KMT2C: variants seen among roughly 807,000 people sequenced by gnomAD.
The protein encoded by KMT2C is histone-lysine N-methyltransferase 2C.
In KMT2C, 88 loss-of-function variants were observed where a neutral mutation model predicts 507.9. The ratio of observed to expected loss-of-function variants is 0.17; its 90% CI spans 0.15 to 0.21. KMT2C has a LOEUF of 0.21. Ranked by LOEUF, KMT2C falls within the 10% of genes least tolerant of loss-of-function variation. The pLI is 1.00. For synonymous variants in KMT2C, 2,049 were observed against 2,080.8 expected, an observed-to-expected ratio of 0.98 and a Z score of 0.42; for missense variants, 4,954 against 5,957.8, an observed-to-expected ratio of 0.83 and a Z score of 5.55.
At chr7:152,263,620 G>A (rs987322662) in intron 8 of KMT2C, among the ~76,000 whole-genome samples, 2 of 152,122 alleles carry the variant, frequency 1.3e-5, no homozygotes, top group Non-Finnish European at 2.9e-5. Context: ...TGAGTTCCAG[G>A]TATAAAATGG....
At chr7:152,366,702 C>T in intron 1 of KMT2C, 1 of 162,936 alleles carries the variant, frequency 6.1e-6, no homozygotes, top group Non-Finnish European at 1.3e-5. Context: ...TATCTCACAT[C>T]ACTAAAATGT....
At chr7:152,178,608 T>C (rs1347022317) in intron 37 of KMT2C, among the ~76,000 whole-genome samples, 1 of 149,792 alleles carries the variant, frequency 6.7e-6, no homozygotes, top group East Asian at 1.9e-4. Flanking sequence ...ACAGGCAACT[T>C]ACACAGAATA....
intron 9 of KMT2C, among the ~76,000 whole-genome samples, chr7:152,255,463 G>C (rs2095645118): frequency 6.6e-6 from 1 of 151,920 alleles, no homozygotes; most frequent in Non-Finnish European, 1.5e-5. Context: ...ACTGCACCCA[G>C]ACACTCAATA....
rs1368341090 is a variant in KMT2C at position 152,263,108 on chromosome 7, T to C, written c.1207A>G (p.Met403Val). 6.2e-7 allele frequency: 1 copy of C among 1,611,372 alleles called. No individual in the cohort carries two copies. The highest frequency in any genetic ancestry group is 1.7e-5 in the Admixed American group (1 of 59,872). The change falls in exon 9 of 59, where the codon ATG (methionine) becomes GTG (valine). Residue 403 changes from methionine (M) to valine (V), a missense_variant. Physicochemically the swap from Met to Val is conservative, Grantham distance 21 (BLOSUM62 1). Coordinates refer to ENST00000262189, the MANE Select transcript of KMT2C (RefSeq NM_170606.3). ...NCKQSGEDSK[M>V]LVCDTCDKGY... ...TTGTCACACGTATCACACACTAGCATCTTGCTATCTTCTCCCGATTGTCTA... is the reference window on the plus strand; with the variant it reads ...TTGTCACACGTATCACACACTAGCACCTTGCTATCTTCTCCCGATTGTCTA...
At position 152,158,984 on chromosome 7, in the gene KMT2C, C is replaced by A. The variant is rs781280663; in HGVS notation, c.11549G>T (p.Arg3850Leu). Residue 3850 changes from arginine to leucine, a missense_variant, in exon 44 of 59, where the codon CGA becomes CTA. Physicochemically the swap from Arg to Leu is moderately radical, Grantham distance 102. Around this residue, in one of 29 missense-constraint regions of KMT2C, gnomAD observed 801 missense variants for 751.2 expected, o/e 1.07. Coordinates refer to ENST00000262189, the MANE Select transcript of KMT2C (RefSeq NM_170606.3). ...TDGGSETKKQ[R>L]SKRTQRTGEK... ...ACCCGTCCTCTGAGTCCGTTTGCTT[C>A]GCTGTTTCTTGGTTTCACTTCCTCC... The A allele has an allele frequency of 6.2e-7, 1 of 1,614,194 alleles. No individual in the cohort carries two copies.
At chr7:152,159,282 C>A (rs761681002) in intron 43 of KMT2C, among the ~76,000 whole-genome samples, 1 of 152,162 alleles carries the variant, frequency 6.6e-6, no homozygotes, top group East Asian at 1.9e-4. Flanking sequence ...CAGTAAGCTG[C>A]GAAGCTTGAG....
rs535328673 is a variant in KMT2C, at chr7:152,408,557, G to T, written c.161+27069C>A. ...ATTAACCTGAGCTCGGCCTCCTCTA[G>T]ATCAGCAGCGGCATTAGATTCTCAT... is the stretch of plus-strand genomic sequence containing the variant. On this transcript the variant is annotated intron_variant, in intron 1 of 58. Transcript: ENST00000262189. Among the ~76,000 whole-genome samples, 6 of 152,322 alleles carry T rather than the reference G, an allele frequency of 3.9e-5. No homozygotes were observed. In the East Asian group the frequency reaches 1.2e-3, roughly 29 times the overall value.
At chr7:152,274,557 A>G (rs976443150) in intron 6 of KMT2C, among the ~76,000 whole-genome samples, 3 of 152,238 alleles carry the variant, frequency 2.0e-5, no homozygotes, top group Admixed American at 1.3e-4. Flanking sequence ...AAGTGAACAC[A>G]TAAGAAGTCA....
intron 3 of KMT2C, among the ~76,000 whole-genome samples, chr7:152,317,768 G>A (rs544966092): frequency 6.6e-6 from 1 of 152,304 alleles, no homozygotes; most frequent in South Asian, 2.1e-4. Flanking sequence ...TGCTTTGGGA[G>A]GTCAAGGCAG....
chr7:152,224,379 G>C, intron 19 of KMT2C, 56 bp downstream of exon 19: 1 of 1,541,710 alleles, frequency 6.5e-7, no homozygotes, highest in South Asian at 1.1e-5. Flanking sequence ...AAACCAAAGT[G>C]GTATGAGAAA....
At chr7:152,326,484 C>T (rs1300524672) in intron 3 of KMT2C, among the ~76,000 whole-genome samples, 3 of 152,002 alleles carry the variant, frequency 2.0e-5, no homozygotes, top group Non-Finnish European at 2.9e-5. Flanking sequence ...TATAAAAATA[C>T]ATGTGATTTT....
At chr7:152,197,778 CA>C (rs2094008860) in intron 27 of KMT2C, among the ~76,000 whole-genome samples, 1 of 151,904 alleles carries the variant, frequency 6.6e-6, no homozygotes, top group Non-Finnish European at 1.5e-5. Flanking sequence ...AGCCTTTAGT[CA>C]TTAATTTTCC....
intron 4 of KMT2C, among the ~76,000 whole-genome samples, chr7:152,312,728 T>C (rs1563823873): frequency 6.6e-6 from 1 of 152,228 alleles, no homozygotes; most frequent in South Asian, 2.1e-4. Context: ...TTAGGTATTA[T>C]TTAAGACCAT....
At chr7:152,212,078 G>A (rs1461601990) in intron 23 of KMT2C, among the ~76,000 whole-genome samples, 1 of 151,952 alleles carries the variant, frequency 6.6e-6, no homozygotes, top group South Asian at 2.1e-4. Flanking sequence ...GAGAAGAGAC[G>A]AGACGAGGAC....
intron 1 of KMT2C, among the ~76,000 whole-genome samples, chr7:152,381,518 T>C (rs1411961050): frequency 1.3e-5 from 2 of 152,216 alleles, no homozygotes; most frequent in Admixed American, 6.5e-5. Context: ...GAGCAACACA[T>C]TTCTATTCCC....
chr7:152,238,750 T>G lies in KMT2C; in HGVS notation c.2609A>C (p.Lys870Thr). The G allele has an allele frequency of 6.2e-7, 1 of 1,610,792 alleles. No individual in the cohort carries two copies. The highest frequency in any genetic ancestry group is 1.7e-5 in the Admixed American group (1 of 59,746). Residue 870 changes from lysine to threonine, a missense_variant, in exon 15 of 59, where the codon AAA (lysine) becomes ACA (threonine). Lys to Thr is a moderately conservative substitution (Grantham distance 78). Coordinates refer to ENST00000262189, the MANE Select transcript of KMT2C (RefSeq NM_170606.3). ...GGCACTGCCAGGAAGCTGCCTGGGT[T>G]TAAAAATTTCCCGACCTTCTGAAAT... is the stretch of plus-strand genomic sequence containing the variant. ...PDISEGREIFKPRQLPGSAIW... is the reference protein window; with the variant it reads ...PDISEGREIFTPRQLPGSAIW...
At chr7:152,338,870 A>T (rs952340138) in intron 2 of KMT2C, among the ~76,000 whole-genome samples, 1 of 152,236 alleles carries the variant, frequency 6.6e-6, no homozygotes, top group East Asian at 1.9e-4. Context: ...TCACTTACTG[A>T]ATATAAACAC....
intron 14 of KMT2C, among the ~76,000 whole-genome samples, chr7:152,240,212 A>G (rs1408035910): frequency 6.6e-6 from 1 of 152,164 alleles, no homozygotes; most frequent in Non-Finnish European, 1.5e-5. Flanking sequence ...CACTTTCATA[A>G]TTTCCAATCA....
At chr7:152,188,615 TTTTTTTTTTG>T (rs1477930235) in intron 31 of KMT2C, among the ~76,000 whole-genome samples, 123 of 133,056 alleles carry the variant, frequency 9.2e-4, no homozygotes, top group African/African-American at 3.6e-3. Context: ...CTTTTTTTTT[TTTTTTTTTTG>T]TTTTTGAGAT....
Sources: gnomAD v4.1 joint callset for allele counts (sites outside exome capture counted in the v4.1 genomes callset) on GRCh38, gnomAD v4.1.1 for gene constraint, gnomAD v4.1.1 regional missense constraint, MANE v1.5 for transcripts, NCBI Gene and HGNC (gene_info 2026-07-23, HGNC 2026-07-21) for gene names.